FGFR2: variants seen among roughly 807,000 people sequenced by gnomAD.
The protein encoded by FGFR2 is fibroblast growth factor receptor 2.
Under a neutral mutation model 95.9 loss-of-function variants are expected in FGFR2, and 19 were observed. The ratio of observed to expected loss-of-function variants is 0.20; its 90% CI spans 0.14 to 0.29. The LOEUF (loss-of-function observed/expected upper bound fraction) is 0.29. Ranked by LOEUF, FGFR2 falls within the 10% of genes least tolerant of loss-of-function variation. The pLI is 1.00. For synonymous variants in FGFR2, 392 were observed against 393.3 expected, an observed-to-expected ratio of 1.00 and a Z score of 0.04; for missense variants, 707 against 1,056.9, an observed-to-expected ratio of 0.67 and a Z score of 4.59.
chr10:121,493,146 C>T (rs1310587864), intron 13 of FGFR2, among the ~76,000 whole-genome samples: 2 of 152,306 alleles, frequency 1.3e-5, no homozygotes, highest in South Asian at 2.1e-4. Context: ...CACCTATTTC[C>T]GGGTTGTTCT....
chr10:121,579,269 C>T lies in FGFR2; in HGVS notation c.110-13565G>A, dbSNP rs1019190089. On this transcript the variant is annotated intron_variant, in intron 2 of 17. Transcript: ENST00000358487. The stretch of plus-strand genomic sequence containing the variant: ...TGAGAGCAAGCACTCCTCATCCTGG[C>T]GGGCGGTTGGAGGTAGTGGGGGGTC... Among the ~76,000 whole-genome samples the T allele has an allele frequency of 2.6e-5, 4 of 152,182 alleles. No homozygotes were observed. The East Asian group carries it at 5.8e-4, about 22-fold the overall frequency.
At chr10:121,537,714 C>A (rs148325774) in intron 6 of FGFR2, among the ~76,000 whole-genome samples, 537 of 6,314 alleles carry the variant, frequency 0.085, 3 homozygotes, top group African/African-American at 0.25. Context: ...TAGGGGAGGA[C>A]AAACCAAAAG....
At position 121,483,761 on chromosome 10, in the gene FGFR2, C is replaced by G. The variant is rs116895810; in HGVS notation, c.2238G>C (p.Gln746His). 1 of 1,614,046 alleles carries G rather than the reference C, an allele frequency of 6.2e-7. No homozygotes were observed. The highest frequency in any genetic ancestry group is 2.2e-5 in the East Asian group (1 of 44,872). The change falls in exon 17 of 18, where the codon CAG becomes CAC. Residue 746 changes from glutamine to histidine, a missense_variant. By Grantham distance (24) the Gln-to-His change is conservative. Transcript: ENST00000358487. ...MRDCWHAVPS[Q>H]RPTFKQLVED... The stretch of plus-strand genomic sequence containing the variant: ...CTACCAACTGCTTGAACGTTGGTCT[C>G]TGGGAGGGCACTGCATGCCAACAGT...
At chr10:121,493,911 G>A (rs1264940648) in intron 13 of FGFR2, among the ~76,000 whole-genome samples, 1 of 151,950 alleles carries the variant, frequency 6.6e-6, no homozygotes, top group Non-Finnish European at 1.5e-5. Flanking sequence ...TTTCAAGCTG[G>A]AAATCCAGAA....
intron 2 of FGFR2, among the ~76,000 whole-genome samples, chr10:121,578,746 C>T (rs1554859806): frequency 6.6e-6 from 1 of 152,158 alleles, no homozygotes; most frequent in Non-Finnish European, 1.5e-5. Context: ...CCTGTCTCTA[C>T]TAAAAATGCA....
intron 6 of FGFR2, among the ~76,000 whole-genome samples, chr10:121,536,989 C>T (rs1307569218): frequency 1.3e-5 from 2 of 152,224 alleles, no homozygotes; most frequent in African/African-American, 4.8e-5. Context: ...AAGGCCAAGT[C>T]ATATGCTCTT....
At chr10:121,526,894 A>T (rs1851445940) in intron 6 of FGFR2, 3 of 396,636 alleles carry the variant, frequency 7.6e-6, no homozygotes, top group Non-Finnish European at 1.3e-5. Context: ...AGTCTTGCAG[A>T]ATCGGCTGGG....
chr10:121,494,833 C>G (rs1846567806), intron 13 of FGFR2, among the ~76,000 whole-genome samples: 2 of 152,132 alleles, frequency 1.3e-5, no homozygotes, highest in South Asian at 2.1e-4. Flanking sequence ...ACAACAGATA[C>G]CACTGTCACC....
chr10:121,551,444 G>C lies in FGFR2; in HGVS notation c.470C>G (p.Thr157Ser), dbSNP rs1314297833. Residue 157 changes from threonine (T) to serine (S), a missense_variant, in exon 5 of 18, where the codon ACC becomes AGC. Thr to Ser is a moderately conservative substitution (Grantham distance 58, BLOSUM62 1). Transcript: ENST00000358487. ...NSNNKRAPYW[T>S]NTEKMEKRLH... is the part of the protein sequence containing the mutation. ...CCGCTTTTCCATCTTTTCTGTGTTG[G>C]TCCAGTATGGTGCTCCTGTTTTGGA... 1 of 1,614,130 alleles carries C rather than the reference G, an allele frequency of 6.2e-7. No homozygotes were observed. Among genetic ancestry groups the C allele is most frequent in the Non-Finnish European group, 8.5e-7 (1 of 1,180,026 alleles).
chr10:121,572,817 G>A (rs900782296), intron 2 of FGFR2, among the ~76,000 whole-genome samples: 5 of 152,262 alleles, frequency 3.3e-5, no homozygotes, highest in African/African-American at 1.2e-4. Context: ...GAGCCCCTCA[G>A]CAGACCATTT....
At chr10:121,571,943 CAAAAAAAAAATA>C (rs1319208490) in intron 2 of FGFR2, among the ~76,000 whole-genome samples, 18 of 105,436 alleles carry the variant, frequency 1.7e-4, no homozygotes, top group African/African-American at 6.2e-4. Flanking sequence ...AACTCCATCT[CAAAAAAAAAATA>C]AAAAAAAAAA....
chr10:121,564,295 G>A lies in FGFR2; in HGVS notation c.454+207C>T, dbSNP rs151225140. On this transcript the variant is annotated intron_variant, in intron 4 of 17. Coordinates refer to ENST00000358487, the MANE Select transcript of FGFR2 (RefSeq NM_000141.5). ...TTGAAAAACGAATGACCAGTGACAC[G>A]AGAAGAAAGGACAAACGATAGAGAA... The A allele has an allele frequency of 6.0e-4, 362 of 599,190 alleles. 2 individuals carry two copies. The highest frequency in any genetic ancestry group is 5.9e-3 in the African/African-American group (316 of 53,966). 37.1% of individuals were successfully genotyped at this position (599,190 alleles called of 1,614,324 possible).
chr10:121,561,096 C>T (rs143350730), intron 4 of FGFR2, among the ~76,000 whole-genome samples: 177 of 152,216 alleles, frequency 1.2e-3, no homozygotes, highest in African/African-American at 3.9e-3. Flanking sequence ...CTCATTTATC[C>T]GAGGCACCTA....
chr10:121,513,473 A>C (rs1306298544), intron 9 of FGFR2, among the ~76,000 whole-genome samples: 1 of 152,220 alleles, frequency 6.6e-6, no homozygotes, highest in Non-Finnish European at 1.5e-5. Flanking sequence ...GCATTTTAAC[A>C]GTTGCAGAAA....
intron 11 of FGFR2, among the ~76,000 whole-genome samples, chr10:121,500,590 ACT>A (rs781673270): frequency 6.2e-4 from 95 of 152,236 alleles, no homozygotes; most frequent in Non-Finnish European, 1.2e-3. Context: ...TCAAAGAATA[ACT>A]CTATGTAGGA....
intron 2 of FGFR2, among the ~76,000 whole-genome samples, chr10:121,571,341 C>T (rs1227720083): frequency 1.5e-5 from 2 of 129,792 alleles, no homozygotes; most frequent in African/African-American, 5.7e-5. Context: ...CGCTCTCTCC[C>T]AGGCTGGAGT....
intron 10 of FGFR2, 105 bp downstream of exon 10, chr10:121,503,685 C>T: frequency 7.8e-7 from 1 of 1,287,670 alleles, no homozygotes; most frequent in Non-Finnish European, 1.1e-6. Flanking sequence ...GACATCATCA[C>T]ACCAAGACCT....
chr10:121,559,111 G>GAAAA (rs904279035), intron 4 of FGFR2, among the ~76,000 whole-genome samples: 8 of 55,184 alleles, frequency 1.4e-4, no homozygotes, highest in East Asian at 9.3e-4. Flanking sequence ...TCCAAAAGGA[G>GAAAA]AAAAAAAAAA....
chr10:121,524,347 T>C (rs980267363), intron 6 of FGFR2, among the ~76,000 whole-genome samples: 3 of 152,220 alleles, frequency 2.0e-5, no homozygotes, highest in Admixed American at 6.5e-5. Flanking sequence ...ATAGAAACCT[T>C]ACACTGTCTT....
Sources: gnomAD v4.1 joint callset for allele counts (sites outside exome capture counted in the v4.1 genomes callset) on GRCh38, gnomAD v4.1.1 for gene constraint, MANE v1.5 for transcripts, NCBI Gene and HGNC (gene_info 2026-07-23, HGNC 2026-07-21) for gene names.